ABL2: variants seen among roughly 807,000 people sequenced by gnomAD.
ABL2 encodes ABL proto-oncogene 2, non-receptor tyrosine kinase, also known as tyrosine-protein kinase ABL2.
In ABL2, 49 loss-of-function variants were observed where a neutral mutation model predicts 107.7. The observed-to-expected ratio is 0.45, with a 90% CI of 0.36 to 0.58. ABL2 has a LOEUF of 0.58. Among genes scored for constraint, ABL2 ranks in the 20% least tolerant of loss-of-function variants. The pLI, the probability that ABL2 is intolerant of heterozygous loss-of-function variation, is 0.00. For missense variants in ABL2, 1,245 were observed against 1,457.0 expected, an observed-to-expected ratio of 0.85 and a Z score of 2.37; for synonymous variants, 549 against 548.6, an observed-to-expected ratio of 1.00 and a Z score of -0.01.
chr1:179,131,499 G>A lies in ABL2; in HGVS notation c.221-18C>T. The A allele has an allele frequency of 6.2e-7, 1 of 1,611,194 alleles. No homozygotes were observed. The highest frequency in any genetic ancestry group is 1.3e-5 in the African/African-American group (1 of 74,970). ...CAAAGCTTCTGAAAGACATAAGAAG[G>A]GAAGGGAATTCACGGTGAGTTCAAC... On this transcript the variant is annotated intron_variant, in intron 2 of 11. Coordinates refer to ENST00000502732, the MANE Select transcript of ABL2 (RefSeq NM_007314.4).
chr1:179,147,918 T>C (rs1296802406), intron 1 of ABL2, among the ~76,000 whole-genome samples: 1 of 152,222 alleles, frequency 6.6e-6, no homozygotes, highest in Non-Finnish European at 1.5e-5. Context: ...AATAATAGTA[T>C]AAGTACATGT....
chr1:179,183,382 A>G (rs1660491911), intron 1 of ABL2, among the ~76,000 whole-genome samples: 1 of 152,202 alleles, frequency 6.6e-6, no homozygotes, highest in Non-Finnish European at 1.5e-5. Context: ...CAACAAAAAC[A>G]TTAGAAAGTT....
chr1:179,131,145 T>A (rs1270515410), intron 3 of ABL2, 166 bp downstream of exon 3: 9 of 545,986 alleles, frequency 1.6e-5, no homozygotes, highest in Non-Finnish European at 2.5e-5. Flanking sequence ...GGTTTCACCA[T>A]GTTGGCCAGG....
At chr1:179,197,948 C>T (rs906988511) in intron 1 of ABL2, among the ~76,000 whole-genome samples, 5 of 150,618 alleles carry the variant, frequency 3.3e-5, no homozygotes, top group African/African-American at 4.9e-5. Flanking sequence ...CTGAGGCGGG[C>T]GGATCACTTG....
chr1:179,196,779 A>C (rs1661333510), intron 1 of ABL2, among the ~76,000 whole-genome samples: 2 of 151,742 alleles, frequency 1.3e-5, no homozygotes, highest in Admixed American at 6.6e-5. Flanking sequence ...AAACAAACAA[A>C]AAAAAACAAA....
intron 1 of ABL2, among the ~76,000 whole-genome samples, chr1:179,214,903 T>C (rs1662476534): frequency 6.6e-6 from 1 of 152,176 alleles, no homozygotes. Context: ...CCCATGCCTG[T>C]AATCCCAGCA....
Position 179,120,220 on chromosome 1 carries a change from T to C in ABL2, c.1015A>G (p.Ile339Val), listed in dbSNP as rs1002049888. Residue 339 changes from isoleucine to valine, a missense_variant, in exon 6 of 12, where the codon ATC becomes GTC. Physicochemically the swap from Ile to Val is conservative, Grantham distance 29 (BLOSUM62 3). This residue lies in a region of ABL2 where 320 missense variants were observed against 547.0 expected (regional missense o/e 0.59). Transcript: ENST00000502732. The part of the protein sequence containing the change: ...FLKEAAVMKE[I>V]KHPNLVQLLG... ...AGTTGTACCAGATTAGGATGCTTGA[T>C]TTCCTTCATTACTGCAGCTTCTTTC... is the stretch of plus-strand genomic sequence containing the variant. 1 of 1,607,866 alleles carries C rather than the reference T, an allele frequency of 6.2e-7. No individual in the cohort carries two copies. Among genetic ancestry groups the C allele is most frequent in the Non-Finnish European group, 8.5e-7 (1 of 1,176,928 alleles).
chr1:179,180,912 G>A (rs912195279), intron 1 of ABL2, among the ~76,000 whole-genome samples: 11 of 152,080 alleles, frequency 7.2e-5, no homozygotes, highest in African/African-American at 2.7e-4. Context: ...AAAGCTAAAT[G>A]TGCAAAAATG....
chr1:179,215,299 C>G (rs774988089), intron 1 of ABL2, among the ~76,000 whole-genome samples: 2 of 152,122 alleles, frequency 1.3e-5, no homozygotes, highest in African/African-American at 2.4e-5. Context: ...AAACACCTAT[C>G]GAACCACAAA....
At chr1:179,200,036 T>G in intron 1 of ABL2, among the ~76,000 whole-genome samples, 1 of 106,866 alleles carries the variant, frequency 9.4e-6, no homozygotes. Flanking sequence ...TGGCCCCCAA[T>G]GCCTTTTTTT....
intron 1 of ABL2, among the ~76,000 whole-genome samples, chr1:179,147,436 C>T (rs986808323): frequency 1.3e-5 from 2 of 152,150 alleles, no homozygotes; most frequent in Non-Finnish European, 2.9e-5. Flanking sequence ...TAGCACTATT[C>T]ACAATAGCAA....
intron 5 of ABL2, among the ~76,000 whole-genome samples, chr1:179,121,141 T>C (rs989024861): frequency 3.9e-5 from 6 of 152,100 alleles, no homozygotes; most frequent in East Asian, 1.9e-4. Context: ...AGGAGACATA[T>C]AGTAGTACTA....
At chr1:179,186,368 ACTT>A (rs1463529865) in intron 1 of ABL2, among the ~76,000 whole-genome samples, 1 of 152,010 alleles carries the variant, frequency 6.6e-6, no homozygotes, top group East Asian at 1.9e-4. Context: ...AGCCATTTCA[ACTT>A]CTTTTTTGTT....
intron 1 of ABL2, among the ~76,000 whole-genome samples, chr1:179,170,658 G>A (rs1390440665): frequency 1.3e-5 from 2 of 152,076 alleles, no homozygotes; most frequent in South Asian, 2.1e-4. Flanking sequence ...GCAGTGGCAC[G>A]ATCTCAGGTC....
chr1:179,184,183 T>G (rs1660554458), intron 1 of ABL2: 1 of 451,554 alleles, frequency 2.2e-6, no homozygotes, highest in Non-Finnish European at 4.1e-6. Context: ...AAAGACGCAC[T>G]GCATTATCTG....
chr1:179,223,788 G>A (rs1487654652), intron 1 of ABL2, among the ~76,000 whole-genome samples: 1 of 151,818 alleles, frequency 6.6e-6, no homozygotes, highest in Non-Finnish European at 1.5e-5. Flanking sequence ...CCATAGCATC[G>A]TTTTCAACCT....
chr1:179,229,273 G>T lies in ABL2; in HGVS notation c.125C>A (p.Thr42Lys). The T allele has an allele frequency of 6.4e-7, 1 of 1,563,720 alleles. No individual in the cohort carries two copies. The highest frequency in any genetic ancestry group is 1.2e-5 in the South Asian group (1 of 86,078). ...GGTGAAGATATTGAAGCCGGTCTCT[G>T]TGGTGCGCCCCGCCGGGTCCCGCCT... ...GRRRDPAGRTTETGFNIFTQH... is the reference protein window; with the variant it reads ...GRRRDPAGRTKETGFNIFTQH... Residue 42 changes from threonine (T) to lysine (K), a missense_variant, in exon 1 of 12, where the codon ACA becomes AAA. Thr to Lys is a moderately conservative substitution (Grantham distance 78). Coordinates refer to ENST00000502732, the MANE Select transcript of ABL2 (RefSeq NM_007314.4).
At chr1:179,224,318 G>A (rs1187635894) in intron 1 of ABL2, among the ~76,000 whole-genome samples, 1 of 152,046 alleles carries the variant, frequency 6.6e-6, no homozygotes, top group Non-Finnish European at 1.5e-5. Context: ...CCAGGCTGGA[G>A]TGCAGGTGCG....
chr1:179,164,308 G>A (rs1316728576), intron 1 of ABL2, among the ~76,000 whole-genome samples: 1 of 152,152 alleles, frequency 6.6e-6, no homozygotes, highest in Non-Finnish European at 1.5e-5. Context: ...AGGACACATA[G>A]TTATTATTGA....
Sources: allele counts gnomAD v4.1 joint callset (sites outside exome capture counted in the v4.1 genomes callset), GRCh38; gene constraint gnomAD v4.1.1; regional missense constraint gnomAD v4.1.1; transcripts MANE v1.5; gene names NCBI Gene and HGNC (gene_info 2026-07-23, HGNC 2026-07-21).